The following PLXNC1 variants were observed in gnomAD, a reference collection of about 807,000 sequenced individuals.
PLXNC1 encodes plexin-C1.
A neutral mutation model predicts 178.2 loss-of-function variants in PLXNC1; 75 were observed. The ratio of observed to expected loss-of-function variants is 0.42; its 90% CI spans 0.35 to 0.51. The LOEUF (loss-of-function observed/expected upper bound fraction) is 0.51. Ranked by LOEUF, PLXNC1 falls within the 20% of genes least tolerant of loss-of-function variation. The probability of loss-of-function intolerance (pLI) is 0.02; values close to 1 mark genes in which losing one functional copy is unlikely to be tolerated. For missense variants in PLXNC1, 1,503 were observed against 1,984.4 expected (o/e 0.76, Z 4.61); for synonymous variants, 790 against 779.9 (o/e 1.01, Z -0.22).
intron 4 of PLXNC1, among the ~76,000 whole-genome samples, chr12:94,204,157 T>G (rs566111530): frequency 6.6e-6 from 1 of 152,182 alleles, no homozygotes; most frequent in Non-Finnish European, 1.5e-5. Flanking sequence ...CAAAACAGAC[T>G]AAGACAGATG....
intron 1 of PLXNC1, among the ~76,000 whole-genome samples, chr12:94,154,373 A>G (rs920421901): frequency 2.6e-5 from 4 of 152,184 alleles, no homozygotes; most frequent in Admixed American, 1.3e-4. Context: ...CCCTATTACT[A>G]TTAATAATCA....
rs538338906 is a variant in PLXNC1 at position 94,251,622 on chromosome 12, A to G, written c.2881+94A>G. On this transcript the variant is annotated intron_variant, in intron 15 of 30. Transcript: ENST00000258526. ...CAGCTTTCAGGGGCTGTTTGCTTCA[A>G]TTAAGTATAAATGGGTGAAAGCCCA... The G allele has an allele frequency of 2.9e-4, 226 of 791,056 alleles. 5 individuals carry two copies. The South Asian group carries it at 3.0e-3, about 11-fold the overall frequency. 49.0% of individuals were successfully genotyped at this position (791,056 alleles called of 1,614,324 possible).
intron 2 of PLXNC1, among the ~76,000 whole-genome samples, chr12:94,179,926 C>T (rs1962246292): frequency 6.6e-6 from 1 of 151,928 alleles, no homozygotes; most frequent in South Asian, 2.1e-4. Flanking sequence ...AAATTGAGGC[C>T]TAGGGAGATT....
At chr12:94,164,900 G>A (rs1415803580) in intron 1 of PLXNC1, among the ~76,000 whole-genome samples, 1 of 152,202 alleles carries the variant, frequency 6.6e-6, no homozygotes, top group African/African-American at 2.4e-5. Context: ...GCAGGAAGGA[G>A]AAGCAGAGTG....
At position 94,300,979 on chromosome 12, in the gene PLXNC1, A is replaced by C. The variant is rs760656030; in HGVS notation, c.4308A>C (p.Pro1436=). The C allele has an allele frequency of 1.2e-6, 2 of 1,613,816 alleles. No homozygotes were observed. The highest frequency in any genetic ancestry group is 1.7e-6 in the Non-Finnish European group (2 of 1,179,756). ...PQFVFDIKKT[P]HIDGCLSVIA... ...TTGTCTTTGACATTAAGAAGACACC[A>C]CATATAGACGGCTGTTTGTCAGTGA... is the stretch of plus-strand genomic sequence containing the variant. The change falls in exon 28 of 31, where the codon CCA becomes CCC. Residue 1436 remains proline (P), a synonymous_variant. Transcript: ENST00000258526.
intron 3 of PLXNC1, among the ~76,000 whole-genome samples, chr12:94,184,719 C>T (rs1962448441): frequency 6.6e-6 from 1 of 152,032 alleles, no homozygotes; most frequent in South Asian, 2.1e-4. Flanking sequence ...AGCCAGTGTC[C>T]TCCCTCTTAT....
intron 17 of PLXNC1, among the ~76,000 whole-genome samples, chr12:94,255,524 A>C (rs568293526): frequency 6.6e-6 from 1 of 152,364 alleles, no homozygotes; most frequent in East Asian, 1.9e-4. Context: ...CCAGTAACAA[A>C]AACCTAGGAG....
chr12:94,223,413 A>G (rs1173491880), intron 6 of PLXNC1, among the ~76,000 whole-genome samples: 1 of 152,212 alleles, frequency 6.6e-6, no homozygotes, highest in Non-Finnish European at 1.5e-5. Context: ...TGGGCTCTAT[A>G]CAATTGTTCC....
chr12:94,149,972 G>A lies in PLXNC1; in HGVS notation c.1001G>A (p.Ser334Asn). 1 of 1,594,670 alleles carries A rather than the reference G, an allele frequency of 6.3e-7. No individual in the cohort carries two copies. The highest frequency in any genetic ancestry group is 8.5e-7 in the Non-Finnish European group (1 of 1,171,756). ...TTTALCLFRMSEIQARAKRVS... is the reference protein window; with the variant it reads ...TTTALCLFRMNEIQARAKRVS... ...ACGGCGCTCTGCCTCTTCAGAATGA[G>A]TGAGATCCAGGCGCGCGCCAAGAGG... Residue 334 changes from serine (S) to asparagine (N), a missense_variant, in exon 1 of 31, where the codon AGT (serine) becomes AAT (asparagine). Around this residue, in one of 4 missense-constraint regions of PLXNC1, gnomAD observed 615 missense variants for 698.6 expected, o/e 0.88. Coordinates refer to ENST00000258526, the MANE Select transcript of PLXNC1 (RefSeq NM_005761.3).
At chr12:94,297,633 G>GT (rs1481371500) in intron 26 of PLXNC1, among the ~76,000 whole-genome samples, 2 of 152,112 alleles carry the variant, frequency 1.3e-5, no homozygotes, top group Admixed American at 1.3e-4. Flanking sequence ...TTGTACTGTA[G>GT]TATCTTCAGT....
intron 5 of PLXNC1, among the ~76,000 whole-genome samples, chr12:94,215,090 G>T (rs1265441171): frequency 2.0e-5 from 3 of 152,126 alleles, no homozygotes; most frequent in Admixed American, 1.3e-4. Context: ...TAGAGACGGA[G>T]TTTCACCATG....
chr12:94,199,208 G>C (rs765253789), intron 4 of PLXNC1, among the ~76,000 whole-genome samples: 1 of 152,198 alleles, frequency 6.6e-6, no homozygotes, highest in Non-Finnish European at 1.5e-5. Flanking sequence ...TTGCACTATT[G>C]AGTGGAATGG....
chr12:94,303,713 ACTC>A, intron 28 of PLXNC1, 40 bp from the exon 29 acceptor site: 11 of 869,460 alleles, frequency 1.3e-5, no homozygotes, highest in Non-Finnish European at 1.4e-5. Flanking sequence ...TTTTTTTTTT[ACTC>A]TTTTGGTGAT....
intron 3 of PLXNC1, among the ~76,000 whole-genome samples, chr12:94,184,058 C>T (rs1962420282): frequency 6.6e-6 from 1 of 151,886 alleles, no homozygotes; most frequent in Non-Finnish European, 1.5e-5. Context: ...GGAATAGTCA[C>T]TACGGTCTGT....
intron 21 of PLXNC1, among the ~76,000 whole-genome samples, chr12:94,277,481 T>A (rs1007615798): frequency 2.0e-5 from 3 of 152,246 alleles, no homozygotes; most frequent in Non-Finnish European, 2.9e-5. Flanking sequence ...TGCCAGATGC[T>A]GTTCTAAGAA....
chr12:94,246,411 G>A (rs832517), intron 12 of PLXNC1, among the ~76,000 whole-genome samples: 56,705 of 151,940 alleles, frequency 0.37, 10,973 homozygotes, highest in Middle Eastern at 0.48. Context: ...TAGCAGTATC[G>A]TTGAAGGGAG....
At chr12:94,200,086 C>A (rs1963065182) in intron 4 of PLXNC1, among the ~76,000 whole-genome samples, 1 of 152,222 alleles carries the variant, frequency 6.6e-6, no homozygotes, top group Non-Finnish European at 1.5e-5. Context: ...AGCCACCATG[C>A]CCAGCCAGGT....
At chr12:94,284,031 T>C (rs1453824704) in intron 23 of PLXNC1, among the ~76,000 whole-genome samples, 2 of 141,636 alleles carry the variant, frequency 1.4e-5, no homozygotes, top group African/African-American at 2.7e-5. Flanking sequence ...TGCAGTGAGC[T>C]GAGATGGTGC....
At chr12:94,152,222 AG>A (rs1960988191) in intron 1 of PLXNC1, among the ~76,000 whole-genome samples, 1 of 152,170 alleles carries the variant, frequency 6.6e-6, no homozygotes, top group South Asian at 2.1e-4. Flanking sequence ...CCTTGCTGCT[AG>A]TATGCATTGA....
Sources: allele counts gnomAD v4.1 joint callset (sites outside exome capture counted in the v4.1 genomes callset), GRCh38; gene constraint gnomAD v4.1.1; regional missense constraint gnomAD v4.1.1; transcripts MANE v1.5; gene names NCBI Gene and HGNC (gene_info 2026-07-23, HGNC 2026-07-21).